ZNF676: variants seen among roughly 807,000 people sequenced by gnomAD.
ZNF676 encodes the protein zinc finger protein 676.
A neutral mutation model predicts 6.0 loss-of-function variants in ZNF676; 4 were observed. The ratio of observed to expected loss-of-function variants is 0.67; its 90% CI spans 0.33 to 1.53. The LOEUF (loss-of-function observed/expected upper bound fraction) is 1.53. ZNF676 is among the 40% of genes most tolerant of loss of function. The pLI is 0.06. For synonymous variants in ZNF676, 198 were observed against 223.1 expected, an observed-to-expected ratio of 0.89 and a Z score of 1.00; for missense variants, 644 against 679.7, an observed-to-expected ratio of 0.95 and a Z score of 0.58.
the ZNF676 span, among the ~76,000 whole-genome samples, chr19:22,258,990 G>A: frequency 6.6e-6 from 1 of 152,156 alleles, no homozygotes; most frequent in African/African-American, 2.4e-5. Flanking sequence ...TGCACGCTGG[G>A]TGTCCTTAGT....
chr19:22,214,371 TTGGGAGG>T (rs2024162005), intron 1 of ZNF676, among the ~76,000 whole-genome samples: 1 of 152,100 alleles, frequency 6.6e-6, no homozygotes, highest in African/African-American at 2.4e-5. Flanking sequence ...TCCCAGCACT[TTGGGAGG>T]CCGAGGCGGG....
At chr19:22,194,492 G>A (rs372687258) in intron 1 of ZNF676, among the ~76,000 whole-genome samples, 2 of 152,110 alleles carry the variant, frequency 1.3e-5, no homozygotes, top group East Asian at 1.9e-4. Flanking sequence ...AAGGAGCCAA[G>A]GTTCAAACCC....
Position 22,180,017 on chromosome 19 carries a change from CCA to C in ZNF676, c.1698_1699del (p.Cys566TrpfsTer5). The C allele has an allele frequency of 1.2e-6, 2 of 1,613,110 alleles. No individual in the cohort carries two copies. Among genetic ancestry groups the C allele is most frequent in the South Asian group, 2.2e-5 (2 of 91,024 alleles). On this transcript the variant is annotated frameshift_variant, in exon 3 of 3. Transcript: ENST00000397121. LOFTEE classifies it low-confidence loss of function (END_TRUNC). ...AGTTGAGGATGACTTAAAAGCTTTG[CCA>C]CATTCTTCACATTTGTAGGGTTTCT... is the stretch of plus-strand genomic sequence containing the variant.
chr19:22,231,447 T>C, the ZNF676 span, among the ~76,000 whole-genome samples: 6 of 151,250 alleles, frequency 4.0e-5, no homozygotes, highest in African/African-American at 1.5e-4. Flanking sequence ...TAGATAATTT[T>C]AAAAACCAAG....
chr19:22,188,408 C>T (rs1267721694), intron 2 of ZNF676, among the ~76,000 whole-genome samples: 3 of 152,108 alleles, frequency 2.0e-5, no homozygotes, highest in Admixed American at 1.3e-4. Flanking sequence ...CAATATCATA[C>T]TGAATGGGCA....
rs149238067 is a variant in ZNF676, at chr19:22,179,945, C to T, written c.*5G>A. The T allele has an allele frequency of 3.1e-6, 5 of 1,611,748 alleles. No individual in the cohort carries two copies. The South Asian group carries it at 4.4e-5, about 14-fold the overall frequency. ...GCTGAAGGATTTACCACATTCTTCACATTTTTAGGGATTCTCTCCAGTATG... is the reference window on the plus strand; with the variant it reads ...GCTGAAGGATTTACCACATTCTTCATATTTTTAGGGATTCTCTCCAGTATG... On this transcript the variant is annotated 3_prime_UTR_variant, in exon 3 of 3. Coordinates refer to ENST00000397121, the MANE Select transcript of ZNF676 (RefSeq NM_001001411.3).
intron 1 of ZNF676, among the ~76,000 whole-genome samples, chr19:22,195,496 C>A (rs1469758470): frequency 1.3e-5 from 2 of 152,298 alleles, no homozygotes; most frequent in East Asian, 3.9e-4. Flanking sequence ...TTTCCTTGGT[C>A]ACACTAATAA....
the ZNF676 span, among the ~76,000 whole-genome samples, chr19:22,251,395 T>C: frequency 6.6e-6 from 1 of 152,176 alleles, no homozygotes; most frequent in Admixed American, 6.5e-5. Context: ...TGTTTTTGAG[T>C]ATTTTCCCTG....
At chr19:22,185,905 T>C (rs1280943772) in intron 2 of ZNF676, among the ~76,000 whole-genome samples, 2 of 151,994 alleles carry the variant, frequency 1.3e-5, no homozygotes, top group Admixed American at 6.6e-5. Context: ...CTTCGTTTGA[T>C]TGGGGTACCT....
the ZNF676 span, among the ~76,000 whole-genome samples, chr19:22,248,190 T>C: frequency 6.6e-6 from 1 of 152,176 alleles, no homozygotes; most frequent in Non-Finnish European, 1.5e-5. Flanking sequence ...CTATTGTGAG[T>C]AGTGCTGCAA....
intron 1 of ZNF676, chr19:22,215,511 G>A (rs796130688): frequency 4.2e-6 from 5 of 1,195,788 alleles, no homozygotes; most frequent in Middle Eastern, 2.0e-4. Context: ...CTGAGGTCGA[G>A]CTAGGCAAGG....
At chr19:22,256,536 T>C in the ZNF676 span, among the ~76,000 whole-genome samples, 4 of 152,164 alleles carry the variant, frequency 2.6e-5, no homozygotes, top group Non-Finnish European at 5.9e-5. Flanking sequence ...GTCTTCTCTA[T>C]AGGCAGGGTG....
chr19:22,207,117 T>A (rs891866580), intron 1 of ZNF676, among the ~76,000 whole-genome samples: 1 of 152,018 alleles, frequency 6.6e-6, no homozygotes, highest in Non-Finnish European at 1.5e-5. Flanking sequence ...AAGATAAAAA[T>A]AAAAGGCATC....
intron 2 of ZNF676, among the ~76,000 whole-genome samples, chr19:22,182,402 C>T (rs1247735462): frequency 6.6e-6 from 1 of 151,364 alleles, no homozygotes; most frequent in African/African-American, 2.4e-5. Context: ...ATAAAGTTTT[C>T]AGAAAGAAAC....
Position 22,214,143 on chromosome 19 carries a change from T to C in ZNF676, c.3+1489A>G, listed in dbSNP as rs138862586. 2.8e-3 allele frequency among the ~76,000 whole-genome samples: 424 copies of C among 152,230 alleles called. 3 individuals carry two copies. The highest frequency in any genetic ancestry group is 9.7e-3 in the African/African-American group (404 of 41,530). ...ATGTCAGAAGGAACTGGAAATTAAG[T>C]ATTTTACTGCAAGTCAGAGTCAGGC... On this transcript the variant is annotated intron_variant, in intron 1 of 3. Transcript: ENST00000650058.
In ZNF676 at chr19:22,180,299, G is replaced by A. The variant is rs2023715684; in HGVS notation, c.1418C>T (p.Ala473Val). Residue 473 changes from alanine to valine, a missense_variant, in exon 3 of 3, where the codon GCA becomes GTA. Around this residue, in one of 5 missense-constraint regions of ZNF676, gnomAD observed 306 missense variants for 265.4 expected, o/e 1.15. Transcript: ENST00000397121. ...SFTKHKRIHA[A>V]EKPYKCEECG... ...TTCTTCACATTTGTAAGGTTTCTCT[G>A]CAGCATGAATTCTCTTGTGTTTAGT... The A allele has an allele frequency of 3.1e-6, 5 of 1,606,346 alleles. No individual in the cohort carries two copies. The East Asian group carries it at 9.0e-5, about 29-fold the overall frequency.
At chr19:22,227,349 A>G in the ZNF676 span, among the ~76,000 whole-genome samples, 2 of 152,210 alleles carry the variant, frequency 1.3e-5, no homozygotes, top group African/African-American at 4.8e-5. Context: ...TCTCTGGGTC[A>G]CAGACAAAGC....
chr19:22,208,210 T>A (rs1033001730), intron 1 of ZNF676, among the ~76,000 whole-genome samples: 1 of 151,178 alleles, frequency 6.6e-6, no homozygotes, highest in Non-Finnish European at 1.5e-5. Flanking sequence ...TGACAAAGGT[T>A]TACTATCCAG....
At chr19:22,195,867 T>C (rs2023961615) in intron 1 of ZNF676, among the ~76,000 whole-genome samples, 1 of 152,190 alleles carries the variant, frequency 6.6e-6, no homozygotes, top group Non-Finnish European at 1.5e-5. Flanking sequence ...ATTCTTGATT[T>C]AAATAAGCAA....
Sources: allele counts gnomAD v4.1 joint callset (sites outside exome capture counted in the v4.1 genomes callset), GRCh38; gene constraint gnomAD v4.1.1; regional missense constraint gnomAD v4.1.1; transcripts MANE v1.5; gene names NCBI Gene and HGNC (gene_info 2026-07-23, HGNC 2026-07-21).